PRPF18: variants seen among roughly 807,000 people sequenced by gnomAD.
The protein encoded by PRPF18 is pre-mRNA processing factor 18.
In PRPF18, 38 loss-of-function variants were observed where a neutral mutation model predicts 46.5. The ratio of observed to expected loss-of-function variants is 0.82; its 90% CI spans 0.63 to 1.07. The LOEUF (loss-of-function observed/expected upper bound fraction) is 1.07, where lower values mean the gene tolerates loss of function less well. Ranked by LOEUF, PRPF18 falls within the 50% of genes least tolerant of loss-of-function variation. PRPF18 has a pLI of 0.00. For synonymous variants in PRPF18, 152 were observed against 146.7 expected (o/e 1.04, Z -0.26); for missense variants, 263 against 410.0 (o/e 0.64, Z 3.10).
chr10:13,629,139 G>A (rs144444619), intron 9 of PRPF18, among the ~76,000 whole-genome samples: 62 of 152,288 alleles, frequency 4.1e-4, no homozygotes, highest in African/African-American at 1.3e-3. Flanking sequence ...ATACACTGGA[G>A]AACTGGCCAA....
intron 5 of PRPF18, 45 bp from the exon 6 acceptor site, chr10:13,611,570 G>T (rs764179918): frequency 3.8e-5 from 57 of 1,493,242 alleles, no homozygotes; most frequent in Non-Finnish European, 5.3e-5. Context: ...ATGTTTAGTT[G>T]TTGCTCTGTA....
At chr10:13,607,554 G>A (rs2080208521) in intron 4 of PRPF18, among the ~76,000 whole-genome samples, 1 of 152,156 alleles carries the variant, frequency 6.6e-6, no homozygotes, top group South Asian at 2.1e-4. Context: ...TGAGACCACA[G>A]GTGTGTGCCA....
intron 9 of PRPF18, among the ~76,000 whole-genome samples, chr10:13,629,772 G>A (rs186428862): frequency 3.3e-5 from 5 of 152,280 alleles, no homozygotes; most frequent in Admixed American, 1.3e-4. Flanking sequence ...AATAATTGGA[G>A]TGTATTTTCT....
the PRPF18 span, chr10:13,651,818 T>C: frequency 1.3e-6 from 1 of 776,126 alleles, no homozygotes; most frequent in Non-Finnish European, 2.4e-6. Flanking sequence ...AGATGTATCC[T>C]TGTGGAAATG....
the PRPF18 span, chr10:13,655,137 A>G: frequency 6.6e-6 from 1 of 152,442 alleles, no homozygotes; most frequent in South Asian, 2.1e-4. Flanking sequence ...GTCCAGCTGG[A>G]AAGATTTAGT....
intron 3 of PRPF18, among the ~76,000 whole-genome samples, chr10:13,602,420 G>C (rs997387230): frequency 6.6e-6 from 1 of 151,798 alleles, no homozygotes; most frequent in East Asian, 1.9e-4. Flanking sequence ...GATGTACATA[G>C]TGTATATATA....
At chr10:13,623,007 G>A (rs2080442425) in intron 9 of PRPF18, among the ~76,000 whole-genome samples, 1 of 151,996 alleles carries the variant, frequency 6.6e-6, no homozygotes, top group Non-Finnish European at 1.5e-5. Context: ...GACCATCCTG[G>A]CTAACACAGT....
At chr10:13,653,143 C>T in the PRPF18 span, 1 of 151,914 alleles carries the variant, frequency 6.6e-6, no homozygotes, top group African/African-American at 2.4e-5. Flanking sequence ...ACACAGCAAG[C>T]ACTCAGTAAG....
downstream of PRPF18, among the ~76,000 whole-genome samples, chr10:13,633,513 T>A (rs1448212369): frequency 6.6e-6 from 1 of 152,200 alleles, no homozygotes. Flanking sequence ...TTGATAGATT[T>A]GAATTTGGGG....
downstream of PRPF18, among the ~76,000 whole-genome samples, chr10:13,633,016 G>A (rs1185559799): frequency 6.6e-6 from 1 of 152,186 alleles, no homozygotes; most frequent in Admixed American, 6.5e-5. Flanking sequence ...TCCTAGGAGT[G>A]TCATTGCCAA....
At chr10:13,626,843 C>T (rs1164280804) in intron 9 of PRPF18, among the ~76,000 whole-genome samples, 5 of 151,766 alleles carry the variant, frequency 3.3e-5, no homozygotes, top group Non-Finnish European at 4.4e-5. Flanking sequence ...ACAGAAAACC[C>T]GGAATTATCC....
chr10:13,625,236 T>C (rs1026236549), intron 9 of PRPF18, among the ~76,000 whole-genome samples: 7 of 152,112 alleles, frequency 4.6e-5, no homozygotes, highest in Admixed American at 2.0e-4. Context: ...GAGGATTGCT[T>C]GAGCCCAGGA....
chr10:13,644,985 A>C, the PRPF18 span: 1 of 152,370 alleles, frequency 6.6e-6, no homozygotes, highest in Non-Finnish European at 1.5e-5. Flanking sequence ...CCAGCCATGC[A>C]TGGAGCTGGG....
intron 9 of PRPF18, among the ~76,000 whole-genome samples, chr10:13,617,902 T>G (rs1025628217): frequency 6.6e-5 from 10 of 152,222 alleles, no homozygotes; most frequent in African/African-American, 2.2e-4. Flanking sequence ...ATACTGTATT[T>G]GAAATTTAGC....
intron 9 of PRPF18, among the ~76,000 whole-genome samples, chr10:13,624,075 C>A (rs537493025): frequency 5.3e-5 from 8 of 152,200 alleles, no homozygotes; most frequent in African/African-American, 1.7e-4. Flanking sequence ...ACTTCCACCC[C>A]CCAGGTTCAA....
At chr10:13,612,173 A>C (rs10906423) in intron 6 of PRPF18, among the ~76,000 whole-genome samples, 53,112 of 151,776 alleles carry the variant, frequency 0.35, 10,447 homozygotes, top group East Asian at 0.84. Context: ...AGCCACTGCG[A>C]CTGGTCTGCT....
chr10:13,614,338 G>A (rs753353825), intron 8 of PRPF18, among the ~76,000 whole-genome samples: 6 of 152,156 alleles, frequency 3.9e-5, no homozygotes, highest in Non-Finnish European at 7.3e-5. Flanking sequence ...TAGGCCTAAA[G>A]GTTCTTCAGA....
intron 1 of PRPF18, among the ~76,000 whole-genome samples, chr10:13,596,595 C>T (rs1235009333): frequency 3.3e-5 from 5 of 152,114 alleles, no homozygotes; most frequent in Non-Finnish European, 7.3e-5. Flanking sequence ...GAATAATATC[C>T]AAGAGGCAGA....
downstream of PRPF18, among the ~76,000 whole-genome samples, chr10:13,635,525 G>A (rs1209276212): frequency 4.6e-5 from 7 of 152,252 alleles, no homozygotes; most frequent in African/African-American, 9.6e-5. Flanking sequence ...GTATAAAAGC[G>A]TTCCTTTTTT....
Sources: gnomAD v4.1 joint callset for allele counts (sites outside exome capture counted in the v4.1 genomes callset) on GRCh38, gnomAD v4.1.1 for gene constraint, MANE v1.5 for transcripts, NCBI Gene and HGNC (gene_info 2026-07-23, HGNC 2026-07-21) for gene names.